The following ZNRF3 variants were observed in gnomAD, a reference collection of about 807,000 sequenced individuals.
ZNRF3 encodes zinc and ring finger 3, also known as E3 ubiquitin-protein ligase ZNRF3.
In ZNRF3, 23 loss-of-function variants were observed where a neutral mutation model predicts 72.5. The observed-to-expected ratio is 0.32, with a 90% CI of 0.23 to 0.45. The LOEUF is 0.45. Ranked by LOEUF, ZNRF3 falls within the 20% of genes least tolerant of loss-of-function variation. ZNRF3 has a pLI of 1.00. For missense variants in ZNRF3, 1,169 were observed against 1,272.1 expected, an observed-to-expected ratio of 0.92 and a Z score of 1.23; for synonymous variants, 610 against 545.3, an observed-to-expected ratio of 1.12 and a Z score of -1.65.
At chr22:29,015,456 G>A (rs1014013039) in intron 2 of ZNRF3, among the ~76,000 whole-genome samples, 2 of 152,104 alleles carry the variant, frequency 1.3e-5, no homozygotes, top group African/African-American at 4.8e-5. Context: ...GATCACCTGA[G>A]GTCAGGAGTT....
At chr22:29,020,776 GGTGTGTGTGTGTGTGT>G (rs3037492) in intron 2 of ZNRF3, among the ~76,000 whole-genome samples, 1 of 86,040 alleles carries the variant, frequency 1.2e-5, no homozygotes, top group African/African-American at 3.1e-5. Context: ...TGTGTGTGTG[GGTGTGTGTGTGTGTGT>G]GTGTGTGTGT....
intron 2 of ZNRF3, among the ~76,000 whole-genome samples, chr22:29,010,346 G>A (rs1420263751): frequency 6.6e-6 from 1 of 152,162 alleles, no homozygotes; most frequent in Non-Finnish European, 1.5e-5. Context: ...GTGGAGTCGT[G>A]TATTTGTCCT....
At chr22:28,907,653 T>C (rs750954484) in intron 1 of ZNRF3, among the ~76,000 whole-genome samples, 1 of 152,124 alleles carries the variant, frequency 6.6e-6, no homozygotes, top group Non-Finnish European at 1.5e-5. Flanking sequence ...CTCTGCAGAG[T>C]TTCATTGTCT....
At chr22:28,960,713 C>A (rs2035343000) in intron 1 of ZNRF3, among the ~76,000 whole-genome samples, 1 of 152,124 alleles carries the variant, frequency 6.6e-6, no homozygotes, top group Non-Finnish European at 1.5e-5. Flanking sequence ...GTTTCCAGTT[C>A]CGAGTGGGGA....
At chr22:28,972,903 T>C (rs2035603569) in intron 1 of ZNRF3, among the ~76,000 whole-genome samples, 2 of 152,232 alleles carry the variant, frequency 1.3e-5, no homozygotes, top group Admixed American at 1.3e-4. Context: ...CCTATGCCCA[T>C]TTTTAATTGA....
intron 2 of ZNRF3, among the ~76,000 whole-genome samples, chr22:29,039,784 CAAAAAAA>C (rs397976678): frequency 3.9e-4 from 33 of 85,324 alleles, no homozygotes; most frequent in East Asian, 9.7e-4. Context: ...TCGTCTCTAC[CAAAAAAA>C]AAAAAAAAAA....
At chr22:28,996,537 A>G (rs2036048526) in intron 2 of ZNRF3, among the ~76,000 whole-genome samples, 1 of 152,246 alleles carries the variant, frequency 6.6e-6, no homozygotes, top group African/African-American at 2.4e-5. Context: ...CCCACTGTAA[A>G]GATCATCTCA....
chr22:28,884,076 C>T lies in ZNRF3; in HGVS notation c.300+10C>T, dbSNP rs1283066006. The stretch of plus-strand genomic sequence containing the variant: ...GGGCGAGATCGTGCAGGTAGCTGCC[C>T]GCCGCCCGGGCCCCGCGCCGCCTCC... On this transcript the variant is annotated intron_variant, in intron 1 of 8. Coordinates refer to ENST00000544604, the MANE Select transcript of ZNRF3 (RefSeq NM_001206998.2). 8.2e-7 allele frequency: 1 copy of T among 1,212,724 alleles called. No individual in the cohort carries two copies. Among genetic ancestry groups the T allele is most frequent in the Non-Finnish European group, 1.0e-6 (1 of 958,848 alleles). The allele number at this position is 1,212,724 out of a possible 1,614,324, so 75.1% of individuals were successfully genotyped here. A position where few individuals can be genotyped will look rare whatever the true frequency, so the allele number is the denominator to read the frequency against.
chr22:28,903,533 T>C (rs1189438068), intron 1 of ZNRF3, among the ~76,000 whole-genome samples: 7 of 152,174 alleles, frequency 4.6e-5, no homozygotes, highest in African/African-American at 1.7e-4. Context: ...TGACTTTTTC[T>C]AAAAATGGGA....
At chr22:28,977,045 C>T (rs1601621679) in intron 1 of ZNRF3, among the ~76,000 whole-genome samples, 5 of 152,194 alleles carry the variant, frequency 3.3e-5, no homozygotes, top group Admixed American at 3.3e-4. Context: ...CCTGCTTCCC[C>T]AAGTTTCTGA....
intron 1 of ZNRF3, among the ~76,000 whole-genome samples, chr22:28,890,091 A>G (rs115548636): frequency 2.3e-3 from 346 of 152,350 alleles, no homozygotes; most frequent in African/African-American, 8.0e-3. Flanking sequence ...CTTGGCTAAT[A>G]AATTCTGGGA....
chr22:28,890,749 G>T (rs1202951604), intron 1 of ZNRF3, among the ~76,000 whole-genome samples: 2 of 151,094 alleles, frequency 1.3e-5, no homozygotes, highest in African/African-American at 2.4e-5. Flanking sequence ...CTGCTTGCTT[G>T]CTTTCTCTCT....
intron 1 of ZNRF3, among the ~76,000 whole-genome samples, chr22:28,974,028 G>A (rs1368517846): frequency 6.7e-6 from 1 of 149,942 alleles, no homozygotes; most frequent in Admixed American, 6.7e-5. Context: ...CGCGATCTCG[G>A]CTCACTGCAA....
intron 2 of ZNRF3, among the ~76,000 whole-genome samples, chr22:29,021,662 A>G (rs1239093869): frequency 1.7e-4 from 26 of 151,596 alleles, no homozygotes; most frequent in Non-Finnish European, 2.5e-4. Context: ...TAATTTTTGT[A>G]TATTTAGTAG....
chr22:29,018,273 C>G (rs903395249), intron 2 of ZNRF3: 2 of 247,482 alleles, frequency 8.1e-6, no homozygotes, highest in African/African-American at 4.5e-5. Flanking sequence ...GGAGAGCCCA[C>G]TTGAAAATGA....
intron 1 of ZNRF3, among the ~76,000 whole-genome samples, chr22:28,899,863 TTA>T (rs944853831): frequency 6.6e-6 from 1 of 152,080 alleles, no homozygotes; most frequent in South Asian, 2.1e-4. Context: ...CTAATTTTGT[TTA>T]TGTTTTCTAG....
chr22:28,954,408 C>T (rs778338196), intron 1 of ZNRF3, among the ~76,000 whole-genome samples: 6 of 152,052 alleles, frequency 3.9e-5, no homozygotes, highest in Non-Finnish European at 8.8e-5. Context: ...ATGGCCCTGC[C>T]CTCAGGACCT....
chr22:28,967,880 C>T (rs1204198549), intron 1 of ZNRF3, among the ~76,000 whole-genome samples: 1 of 148,836 alleles, frequency 6.7e-6, no homozygotes, highest in Non-Finnish European at 1.5e-5. Context: ...GAGCTGAGGT[C>T]GCACCACTAC....
chr22:29,052,819 T>A lies in ZNRF3; in HGVS notation c.2768-760T>A, dbSNP rs202133060. On this transcript the variant is annotated intron_variant, in intron 8 of 8. Coordinates refer to ENST00000544604, the MANE Select transcript of ZNRF3 (RefSeq NM_001206998.2). ...AATGACCCTATCTCTTAAAAAAAAATTTAAAAAAAAATTTTTTTTTAATTA... is the reference window on the plus strand; with the variant it reads ...AATGACCCTATCTCTTAAAAAAAAAATTAAAAAAAAATTTTTTTTTAATTA... Among the ~76,000 whole-genome samples, 1,044 of 133,980 alleles carry A rather than the reference T, an allele frequency of 7.8e-3. 8 individuals carry two copies. The highest frequency in any genetic ancestry group is 0.029 in the African/African-American group (840 of 29,054). The allele number at this position is 133,980 out of a possible 152,430, so 87.9% of individuals were successfully genotyped here.
Sources: gnomAD v4.1 joint callset for allele counts (sites outside exome capture counted in the v4.1 genomes callset) on GRCh38, gnomAD v4.1.1 for gene constraint, MANE v1.5 for transcripts, NCBI Gene and HGNC (gene_info 2026-07-23, HGNC 2026-07-21) for gene names.